The following GASK1A variants were observed in gnomAD, a reference collection of about 807,000 sequenced individuals.
The protein encoded by GASK1A is Golgi-associated kinase 1A.
Under a neutral mutation model 41.2 loss-of-function variants are expected in GASK1A, and 40 were observed. The observed-to-expected ratio is 0.97, with a 90% CI of 0.75 to 1.27. The LOEUF is 1.27. Among genes scored for constraint, GASK1A ranks in the 50% most tolerant of loss-of-function variants. GASK1A has a pLI of 0.00. For synonymous variants in GASK1A, 316 were observed against 307.1 expected, an observed-to-expected ratio of 1.03 and a Z score of -0.30; for missense variants, 678 against 745.1, an observed-to-expected ratio of 0.91 and a Z score of 1.05.
Position 43,032,459 on chromosome 3 carries a change from T to G in GASK1A, c.196T>G (p.Ser66Ala). ...AACCCATATCCGGCAGGCTTTGAGC[T>G]CCAGCCGGAGGCAGCGGGCAAGAAA... Reference protein sequence around the residue: ...PATHIRQALSSSRRQRARNMG... With the variant: ...PATHIRQALSASRRQRARNMG... Residue 66 changes from serine (S) to alanine (A), a missense_variant, in exon 2 of 5, where the codon TCC becomes GCC. By Grantham distance (99) the Ser-to-Ala change is moderately conservative (BLOSUM62 1). Coordinates refer to ENST00000430121, the MANE Select transcript of GASK1A (RefSeq NM_001129908.3). 2 of 1,551,118 alleles carry G rather than the reference T, an allele frequency of 1.3e-6. No homozygotes were observed. The highest frequency in any genetic ancestry group is 1.7e-6 in the Non-Finnish European group (2 of 1,146,576).
At chr3:43,028,233 T>C (rs1293848606) in intron 1 of GASK1A, among the ~76,000 whole-genome samples, 1 of 152,162 alleles carries the variant, frequency 6.6e-6, no homozygotes, top group Non-Finnish European at 1.5e-5. Flanking sequence ...CTAACAGTCT[T>C]AAGGTCTGTG....
chr3:43,055,924 A>G, intron 4 of GASK1A: 1 of 501,248 alleles, frequency 2.0e-6, no homozygotes, highest in Non-Finnish European at 3.6e-6. Flanking sequence ...GGATAGCGGA[A>G]TTTATTCACC....
At chr3:43,040,872 T>TC (rs1389325169) in intron 2 of GASK1A, among the ~76,000 whole-genome samples, 7 of 54,118 alleles carry the variant, frequency 1.3e-4, no homozygotes, top group African/African-American at 1.7e-4. Flanking sequence ...CCCAATGCTA[T>TC]CCCTCCCCCC....
intron 1 of GASK1A, 102 bp downstream of exon 1, chr3:42,979,747 C>G (rs2089272077): frequency 8.5e-7 from 1 of 1,173,452 alleles, no homozygotes; most frequent in Non-Finnish European, 1.1e-6. Flanking sequence ...GCAGCCTGCG[C>G]GGCCTCCCGA....
chr3:42,994,624 A>T (rs2089359921), intron 1 of GASK1A, among the ~76,000 whole-genome samples: 1 of 152,036 alleles, frequency 6.6e-6, no homozygotes, highest in South Asian at 2.1e-4. Flanking sequence ...TGTGCCATGG[A>T]CACAGAGACC....
Position 43,032,753 on chromosome 3 carries a change from C to A in GASK1A, c.490C>A (p.Gln164Lys), listed in dbSNP as rs895997776. 1.3e-6 allele frequency: 2 copies of A among 1,551,194 alleles called. No homozygotes were observed. The highest frequency in any genetic ancestry group is 1.7e-6 in the Non-Finnish European group (2 of 1,146,992). The change falls in exon 2 of 5, where the codon CAG becomes AAG. Residue 164 changes from glutamine to lysine, a missense_variant. Transcript: ENST00000430121. ...GCATGGCAGTCCCATCCAGGAGACA[C>A]AGAGTGAGGTGGTCACCCTGGTCAG... ...PQHGSPIQET[Q>K]SEVVTLVSPL... is the part of the protein sequence containing the mutation.
At chr3:43,037,278 C>T in intron 2 of GASK1A, 1 of 912,184 alleles carries the variant, frequency 1.1e-6, no homozygotes, top group Non-Finnish European at 1.8e-6. Flanking sequence ...GAAGCCAACT[C>T]CCCAGATGAA....
chr3:43,033,145 C>T lies in GASK1A; in HGVS notation c.882C>T (p.Phe294=), dbSNP rs1221632980. The T allele has an allele frequency of 1.3e-6, 2 of 1,550,952 alleles. No homozygotes were observed. The highest frequency in any genetic ancestry group is 1.4e-5 in the African/African-American group (1 of 73,166). ...PAHGQVLQVG[F]STEAALQDLS... ...ATGGGCAGGTGCTACAGGTTGGCTTCTCCACTGAGGCTGCCCTTCAGGACC... is the reference window on the plus strand; with the variant it reads ...ATGGGCAGGTGCTACAGGTTGGCTTTTCCACTGAGGCTGCCCTTCAGGACC... Residue 294 remains phenylalanine, a synonymous_variant, in exon 2 of 5, where the codon TTC becomes TTT. Coordinates refer to ENST00000430121, the MANE Select transcript of GASK1A (RefSeq NM_001129908.3).
intron 2 of GASK1A, among the ~76,000 whole-genome samples, chr3:43,049,742 G>T (rs1344093016): frequency 1.3e-5 from 2 of 152,136 alleles, no homozygotes; most frequent in African/African-American, 4.8e-5. Context: ...TGGGACTATT[G>T]AATGCTGTCT....
Position 43,022,220 on chromosome 3 carries a change from T to G in GASK1A, c.4-10047T>G, listed in dbSNP as rs74488336. ...ATTTCTCTTCAGATGATGTTTTTTTTCAGTCTGATCAAAGCTGCTTTTCTT... is the reference window on the plus strand; with the variant it reads ...ATTTCTCTTCAGATGATGTTTTTTTGCAGTCTGATCAAAGCTGCTTTTCTT... On this transcript the variant is annotated intron_variant, in intron 1 of 4. Transcript: ENST00000430121. Among the ~76,000 whole-genome samples, 128 of 152,352 alleles carry G rather than the reference T, an allele frequency of 8.4e-4. 1 individual carries two copies. Among genetic ancestry groups the G allele is most frequent in the African/African-American group, 2.9e-3 (121 of 41,586 alleles).
chr3:43,040,993 C>A (rs1467662638), intron 2 of GASK1A, among the ~76,000 whole-genome samples: 1 of 150,246 alleles, frequency 6.7e-6, no homozygotes, highest in South Asian at 2.1e-4. Flanking sequence ...TTTGTTCTTG[C>A]GATAGTTTAC....
At chr3:43,037,373 T>C in intron 2 of GASK1A, 1 of 957,024 alleles carries the variant, frequency 1.0e-6, no homozygotes. Flanking sequence ...CAAATCCTCA[T>C]TGAAATGCAC....
At position 42,987,529 on chromosome 3, in the gene GASK1A, A is replaced by T. The variant is rs140799639; in HGVS notation, c.3+7884A>T. ...ATTATATGAAGAGAAACCTCATCAT[A>T]TCCCACAAAATGATCATATATAGAA... is the stretch of plus-strand genomic sequence containing the variant. On this transcript the variant is annotated intron_variant, in intron 1 of 4. Coordinates refer to ENST00000430121, the MANE Select transcript of GASK1A (RefSeq NM_001129908.3). Among the ~76,000 whole-genome samples the T allele has an allele frequency of 4.4e-3, 672 of 152,384 alleles. 3 individuals are homozygous for T. Among genetic ancestry groups the T allele is most frequent in the African/African-American group, 0.015 (643 of 41,600 alleles).
intron 1 of GASK1A, among the ~76,000 whole-genome samples, chr3:42,994,774 A>G (rs952913866): frequency 2.0e-5 from 3 of 152,114 alleles, no homozygotes; most frequent in Admixed American, 6.5e-5. Context: ...GCCCCGATGC[A>G]TATCATTTCC....
intron 1 of GASK1A, among the ~76,000 whole-genome samples, chr3:43,015,060 T>TGTGTGAAGCCACTAGGAGGGGCA (rs1399550111): frequency 6.1e-5 from 9 of 147,156 alleles, no homozygotes; most frequent in African/African-American, 2.3e-4. Flanking sequence ...AGGAAGTGGC[T>TGTGTGAAGCCACTAGGAGGGGCA]GTGTGAAGCC....
chr3:43,053,463 A>G (rs1252009300), intron 2 of GASK1A, 58 bp from the exon 3 acceptor site: 4 of 1,484,532 alleles, frequency 2.7e-6, no homozygotes, highest in South Asian at 1.4e-5. Context: ...CCTCCATGCT[A>G]TGCCTGGTGG....
chr3:43,026,560 T>C (rs1056416461), intron 1 of GASK1A, among the ~76,000 whole-genome samples: 2 of 151,818 alleles, frequency 1.3e-5, no homozygotes, highest in Admixed American at 1.3e-4. Context: ...AAAGCAGAAA[T>C]GCAAGAACTC....
chr3:43,053,076 G>A (rs1175555674), intron 2 of GASK1A, among the ~76,000 whole-genome samples: 1 of 152,212 alleles, frequency 6.6e-6, no homozygotes, highest in African/African-American at 2.4e-5. Flanking sequence ...TGAAAGAGCT[G>A]TCCAGTTGGA....
chr3:43,056,116 TTC>T, intron 4 of GASK1A, 58 bp from the exon 5 acceptor site: 1 of 1,349,864 alleles, frequency 7.4e-7, no homozygotes, highest in Non-Finnish European at 1.0e-6. Context: ...GTTACTGAAA[TTC>T]TCTGAGATTA....
Sources: gnomAD v4.1 joint callset for allele counts (sites outside exome capture counted in the v4.1 genomes callset) on GRCh38, gnomAD v4.1.1 for gene constraint, MANE v1.5 for transcripts, NCBI Gene and HGNC (gene_info 2026-07-23, HGNC 2026-07-21) for gene names.